GABRA5: variants seen among roughly 807,000 people sequenced by gnomAD.
The protein encoded by GABRA5 is gamma-aminobutyric acid type A receptor subunit alpha5.
Under a neutral mutation model 47.3 loss-of-function variants are expected in GABRA5, and 18 were observed. That is an observed-to-expected ratio of 0.38 (90% confidence interval 0.26 to 0.56). The LOEUF is 0.56. Ranked by LOEUF, GABRA5 falls within the 20% of genes least tolerant of loss-of-function variation. The probability of loss-of-function intolerance (pLI) is 0.71; values close to 1 mark genes in which losing one functional copy is unlikely to be tolerated. For synonymous variants in GABRA5, 237 were observed against 229.3 expected (o/e 1.03, Z -0.30); for missense variants, 365 against 599.3 (o/e 0.61, Z 4.08).
In GABRA5 at chr15:26,899,842, G is replaced by T. The variant is rs139106656; in HGVS notation, c.498-14961G>T. On this transcript the variant is annotated intron_variant, in intron 6 of 10. Transcript: ENST00000335625. Reference sequence around the variant, plus strand: ...TATTTTATATATCTATATCGATTCTGCCAATACCTGCCTTTTAATTGAAGT... The same window carrying T: ...TATTTTATATATCTATATCGATTCTTCCAATACCTGCCTTTTAATTGAAGT... Among the ~76,000 whole-genome samples, 740 of 152,098 alleles carry T rather than the reference G, an allele frequency of 4.9e-3. 5 individuals carry two copies. Among genetic ancestry groups the T allele is most frequent in the African/African-American group, 0.017 (710 of 41,502 alleles).
At chr15:26,902,348 T>C (rs1893347768) in intron 6 of GABRA5, among the ~76,000 whole-genome samples, 1 of 152,152 alleles carries the variant, frequency 6.6e-6, no homozygotes, top group African/African-American at 2.4e-5. Context: ...CTAAATATTA[T>C]ATACTAATTT....
intron 6 of GABRA5, among the ~76,000 whole-genome samples, chr15:26,894,853 G>T (rs545406799): frequency 6.6e-6 from 1 of 152,010 alleles, no homozygotes; most frequent in African/African-American, 2.4e-5. Flanking sequence ...TCCAGTCTCC[G>T]TCTTGAGTAT....
intron 6 of GABRA5, among the ~76,000 whole-genome samples, chr15:26,909,110 C>A (rs1001684533): frequency 6.6e-6 from 1 of 152,190 alleles, no homozygotes; most frequent in Admixed American, 6.5e-5. Flanking sequence ...CAGCTGTGGG[C>A]AGGATGGCCT....
intron 7 of GABRA5, among the ~76,000 whole-genome samples, chr15:26,922,614 C>T (rs1362087632): frequency 1.3e-5 from 2 of 151,942 alleles, no homozygotes; most frequent in Non-Finnish European, 2.9e-5. Flanking sequence ...TGGCTTTCTG[C>T]TTTTTCTGTG....
At chr15:26,903,797 A>G (rs1449619168) in intron 6 of GABRA5, among the ~76,000 whole-genome samples, 1 of 151,216 alleles carries the variant, frequency 6.6e-6, no homozygotes, top group Non-Finnish European at 1.5e-5. Context: ...GCTTTTTAAC[A>G]GGATGTTTTG....
At chr15:26,896,916 G>A (rs779310837) in intron 6 of GABRA5, among the ~76,000 whole-genome samples, 2 of 149,670 alleles carry the variant, frequency 1.3e-5, no homozygotes, top group Non-Finnish European at 3.0e-5. Context: ...TTTAAGCAGT[G>A]TAAATTAATA....
At chr15:26,916,721 T>TTGTTTGTG (rs1343046006) in intron 7 of GABRA5, among the ~76,000 whole-genome samples, 2 of 152,088 alleles carry the variant, frequency 1.3e-5, no homozygotes, top group Non-Finnish European at 1.5e-5. Context: ...ATCTTTCCAT[T>TTGTTTGTG]TGTTTGTGTT....
At position 26,938,475 on chromosome 15, in the gene GABRA5, C is replaced by G. The variant is rs536329783; in HGVS notation, c.724+1147C>G. 5.3e-5 allele frequency among the ~76,000 whole-genome samples: 8 copies of G among 152,250 alleles called. No homozygotes were observed. In the South Asian group the frequency reaches 6.2e-4, roughly 12 times the overall value. ...ATTCTACAATCTTTTAAAACAAACACTACCAAATTTTCCTACCCTCAACTC... is the reference window on the plus strand; with the variant it reads ...ATTCTACAATCTTTTAAAACAAACAGTACCAAATTTTCCTACCCTCAACTC... On this transcript the variant is annotated intron_variant, in intron 8 of 10. Coordinates refer to ENST00000335625, the MANE Select transcript of GABRA5 (RefSeq NM_000810.4).
At chr15:26,932,408 C>T (rs551480211) in intron 7 of GABRA5, among the ~76,000 whole-genome samples, 29 of 152,314 alleles carry the variant, frequency 1.9e-4, no homozygotes, top group Non-Finnish European at 3.5e-4. Flanking sequence ...ATCAAAACCA[C>T]AATGAGATAC....
At chr15:26,937,150 A>T (rs773252977) in intron 7 of GABRA5, 35 bp from the exon 8 acceptor site, 3 of 1,612,038 alleles carry the variant, frequency 1.9e-6, no homozygotes, top group South Asian at 2.2e-5. Flanking sequence ...GAATGATTTC[A>T]TGTTTATGTC....
At chr15:26,869,881 C>G (rs1013670576) in intron 3 of GABRA5, among the ~76,000 whole-genome samples, 3 of 152,224 alleles carry the variant, frequency 2.0e-5, no homozygotes, top group Non-Finnish European at 2.9e-5. Flanking sequence ...CTGAAAGACA[C>G]CCCTGAGGTT....
chr15:26,915,018 G>A, intron 7 of GABRA5, 133 bp downstream of exon 7: 2 of 735,696 alleles, frequency 2.7e-6, no homozygotes, highest in Admixed American at 4.2e-5. Flanking sequence ...CGTGGAGAGT[G>A]TATTGTTCTC....
At chr15:26,936,474 T>A (rs1894247649) in intron 7 of GABRA5, among the ~76,000 whole-genome samples, 1 of 152,314 alleles carries the variant, frequency 6.6e-6, no homozygotes, top group East Asian at 1.9e-4. Context: ...TTAGGGAAGT[T>A]CTCTGTTTTT....
intron 7 of GABRA5, among the ~76,000 whole-genome samples, chr15:26,927,843 C>T (rs1893997837): frequency 6.6e-6 from 1 of 152,154 alleles, no homozygotes; most frequent in African/African-American, 2.4e-5. Flanking sequence ...TCTAATGAGC[C>T]ACATGCTCTA....
At chr15:26,931,318 T>C (rs916091159) in intron 7 of GABRA5, among the ~76,000 whole-genome samples, 1 of 152,138 alleles carries the variant, frequency 6.6e-6, no homozygotes, top group African/African-American at 2.4e-5. Context: ...AAGACCAAGG[T>C]GCTGGCAGAT....
In GABRA5 at chr15:26,943,237, G is replaced by A; in HGVS notation, c.900G>A (p.Met300Ile). The part of the protein sequence containing the change: ...TVFGVTTVLT[M>I]TTLSISARNS... ...CAGGGGTCACCACGGTGCTGACCATGACGACCCTCAGCATCAGCGCCAGGA... is the reference window on the plus strand; with the variant it reads ...CAGGGGTCACCACGGTGCTGACCATAACGACCCTCAGCATCAGCGCCAGGA... Residue 300 changes from methionine (M) to isoleucine (I), a missense_variant, in exon 10 of 11, where the codon ATG becomes ATA. By Grantham distance (10) the Met-to-Ile change is conservative (BLOSUM62 1). Coordinates refer to ENST00000335625, the MANE Select transcript of GABRA5 (RefSeq NM_000810.4). 6.4e-7 allele frequency: 1 copy of A among 1,557,148 alleles called. No homozygotes were observed.
In GABRA5 at chr15:26,939,389, G is replaced by A. The variant is rs2140586398; in HGVS notation, c.725-536G>A. Reference sequence around the variant, plus strand: ...ACAGGCGACACCTCTCTGGTAGGTGGCAGAAGGGTTGAGCTGCCAGGACCC... The same window carrying A: ...ACAGGCGACACCTCTCTGGTAGGTGACAGAAGGGTTGAGCTGCCAGGACCC... On this transcript the variant is annotated intron_variant, in intron 8 of 10. Transcript: ENST00000335625. The A allele has an allele frequency of 3.9e-6, 3 of 765,280 alleles. No individual in the cohort carries two copies. The East Asian group carries it at 7.3e-5, about 19-fold the overall frequency. 47.4% of individuals were successfully genotyped at this position (765,280 alleles called of 1,614,324 possible).
intron 6 of GABRA5, among the ~76,000 whole-genome samples, chr15:26,893,414 T>TATA (rs1893082499): frequency 1.8e-4 from 1 of 5,514 alleles, no homozygotes; most frequent in Non-Finnish European, 3.2e-4. Flanking sequence ...GTTGTGTGTG[T>TATA]TGTGTGTGTA....
intron 7 of GABRA5, among the ~76,000 whole-genome samples, chr15:26,935,907 G>T (rs997531382): frequency 2.6e-5 from 4 of 152,162 alleles, no homozygotes; most frequent in African/African-American, 9.7e-5. Flanking sequence ...GTGAATGTTT[G>T]TGTTCTCAGA....
Sources: allele counts gnomAD v4.1 joint callset (sites outside exome capture counted in the v4.1 genomes callset), GRCh38; gene constraint gnomAD v4.1.1; transcripts MANE v1.5; gene names NCBI Gene and HGNC (gene_info 2026-07-23, HGNC 2026-07-21).